Variants in OR2V1 observed in about 807,000 individuals in gnomAD.
OR2V1 encodes olfactory receptor family 2 subfamily V member 1.
OR2V1 carries 18 observed loss-of-function variants against 15.0 expected under a neutral mutation model. That is an observed-to-expected ratio of 1.20 (90% CI 0.83 to 1.78). The LOEUF (loss-of-function observed/expected upper bound fraction) is 1.78. Among genes scored for constraint, OR2V1 ranks in the 40% most tolerant of loss-of-function variants. OR2V1 has a pLI of 0.00. For synonymous variants in OR2V1, 144 were observed against 146.1 expected, an observed-to-expected ratio of 0.99 and a Z score of 0.10; for missense variants, 359 against 392.9, an observed-to-expected ratio of 0.91 and a Z score of 0.73.
rs190688542 is a variant in OR2V1 at position 181,124,074 on chromosome 5, A to G, written c.*283T>C. 47 of 334,470 alleles carry G rather than the reference A, an allele frequency of 1.4e-4. No individual in the cohort carries two copies. The Admixed American group carries it at 1.7e-3, about 12-fold the overall frequency. The allele number at this position is 334,470 out of a possible 1,614,324, so 20.7% of individuals were successfully genotyped here. ...AATTTAGTCCAAGGATGTCATAAAC[A>G]ATCAACAATGACAATAATAGCAGCC... On this transcript the variant is annotated 3_prime_UTR_variant, in exon 4 of 4. Transcript: ENST00000641551.
chr5:181,125,440 A>T, intron 3 of OR2V1, 115 bp from the exon 4 acceptor site: 2 of 745,802 alleles, frequency 2.7e-6, no homozygotes, highest in Non-Finnish European at 4.3e-6. Flanking sequence ...TATTCCTGTG[A>T]CACAGGTGAC....
chr5:181,127,144 C>T (rs773266635), intron 3 of OR2V1, among the ~76,000 whole-genome samples: 11 of 152,236 alleles, frequency 7.2e-5, no homozygotes, highest in East Asian at 1.9e-4. Flanking sequence ...GGACCGTCCC[C>T]GTCTGTGAGA....
intron 3 of OR2V1, among the ~76,000 whole-genome samples, chr5:181,127,821 T>TC (rs1355560366): frequency 6.7e-6 from 1 of 149,360 alleles, no homozygotes; most frequent in African/African-American, 2.5e-5. Flanking sequence ...TTCCCCCAGA[T>TC]CCCCCAGCAG....
intron 3 of OR2V1, among the ~76,000 whole-genome samples, chr5:181,127,446 G>A (rs1269065720): frequency 2.6e-5 from 4 of 152,188 alleles, no homozygotes; most frequent in African/African-American, 9.7e-5. Context: ...CCACACATGG[G>A]CGGCTGTTTA....
At chr5:181,128,986 G>A (rs1302649138) in intron 3 of OR2V1, among the ~76,000 whole-genome samples, 1 of 152,208 alleles carries the variant, frequency 6.6e-6, no homozygotes, top group Non-Finnish European at 1.5e-5. Flanking sequence ...CCAAAACTTT[G>A]AAAGGCTGAG....
chr5:181,128,488 C>G (rs1376505874), intron 3 of OR2V1, among the ~76,000 whole-genome samples: 1 of 152,214 alleles, frequency 6.6e-6, no homozygotes, highest in African/African-American at 2.4e-5. Context: ...ATCAGCAGCC[C>G]TCCACCACCA....
At chr5:181,130,375 G>A (rs1323545702) in intron 1 of OR2V1, 160 bp from the exon 2 acceptor site, 4 of 396,054 alleles carry the variant, frequency 1.0e-5, no homozygotes, top group African/African-American at 4.1e-5. Flanking sequence ...GCCTCCAGTG[G>A]CCCCTCAGGC....
chr5:181,123,162 C>A lies in OR2V1; in HGVS notation c.*1195G>T, dbSNP rs1762824777. ...ATATTACCTCACTTGATGCTCTCTT[C>A]TTGCATTCATTCAATAATGTTTTAT... is the stretch of plus-strand genomic sequence containing the variant. On this transcript the variant is annotated 3_prime_UTR_variant, in exon 4 of 4. Transcript: ENST00000641551. 6.6e-6 allele frequency: 1 copy of A among 152,212 alleles called. No homozygotes were observed. The highest frequency in any genetic ancestry group is 2.4e-5 in the African/African-American group (1 of 41,450). 9.4% of individuals were successfully genotyped at this position (152,212 alleles called of 1,614,324 possible). A position where few individuals can be genotyped will look rare whatever the true frequency, so the allele number is the denominator to read the frequency against.
Position 181,129,016 on chromosome 5 carries a change from TAGG to T in OR2V1, c.-22+501_-22+503del, listed in dbSNP as rs1270808021. ...GCTGAGGCAGAAGGATAGCTCGAGGTAGGAGTTTGAGACCAGCCTGGGCAACAT... is the reference window on the plus strand; with the variant it reads ...GCTGAGGCAGAAGGATAGCTCGAGGTAGTTTGAGACCAGCCTGGGCAACAT... On this transcript the variant is annotated intron_variant, in intron 3 of 3. Transcript: ENST00000641551. 5.3e-5 allele frequency among the ~76,000 whole-genome samples: 8 copies of T among 152,186 alleles called. 1 individual carries two copies. Among genetic ancestry groups the T allele is most frequent in the Non-Finnish European group, 7.4e-5 (5 of 67,998 alleles).
chr5:181,126,038 G>A (rs1186205861), intron 3 of OR2V1, among the ~76,000 whole-genome samples: 1 of 152,160 alleles, frequency 6.6e-6, no homozygotes, highest in Non-Finnish European at 1.5e-5. Flanking sequence ...ATGTTCTTTA[G>A]TCTTTACTTT....
intron 3 of OR2V1, among the ~76,000 whole-genome samples, chr5:181,128,721 CCTT>C (rs1762920062): frequency 1.3e-5 from 2 of 152,126 alleles, no homozygotes; most frequent in African/African-American, 2.4e-5. Flanking sequence ...GAGCTGAAAT[CCTT>C]CTTCTTCTGC....
At chr5:181,126,420 CCACACACACACACACACACACA>C (rs10532191) in intron 3 of OR2V1, among the ~76,000 whole-genome samples, 1 of 140,914 alleles carries the variant, frequency 7.1e-6, no homozygotes, top group African/African-American at 2.6e-5. Flanking sequence ...ACATCACACA[CCACACACACACACACACACACA>C]CACACACACA....
In OR2V1 at chr5:181,130,194, G is replaced by T; in HGVS notation, c.-99C>A. 2.5e-6 allele frequency: 1 copy of T among 398,746 alleles called. No individual in the cohort carries two copies. Among genetic ancestry groups the T allele is most frequent in the Non-Finnish European group, 4.4e-6 (1 of 226,138 alleles). 24.7% of individuals were successfully genotyped at this position (398,746 alleles called of 1,614,324 possible). A position where few individuals can be genotyped will look rare whatever the true frequency, so the allele number is the denominator to read the frequency against. ...TCACCTGTGGGTGGGTCCCTGCAGGGGAACAAACTCAGCAGAGTCACCTGT... is the reference window on the plus strand; with the variant it reads ...TCACCTGTGGGTGGGTCCCTGCAGGTGAACAAACTCAGCAGAGTCACCTGT... On this transcript the variant is annotated 5_prime_UTR_variant, in exon 2 of 4. Transcript: ENST00000641551.
chr5:181,130,652 C>A, intron 1 of OR2V1: 1 of 168,394 alleles, frequency 5.9e-6, no homozygotes, highest in Non-Finnish European at 1.3e-5. Context: ...AGACTCCAGC[C>A]CTGGAAGAGG....
In OR2V1 at chr5:181,124,623, G is replaced by A. The variant is rs772555600; in HGVS notation, c.682C>T (p.Arg228Ter). ...TTCCAGGCCTGAGCAGAGCGTATTC[G>A]GAGCACAGCCCCTAGGATGCAAGCA... is the stretch of plus-strand genomic sequence containing the variant. ...SYACILGAVL[R>*]IRSAQAWKKA... The change falls in exon 4 of 4, where the codon CGA becomes TGA. Residue 228 changes from arginine to a stop codon, truncating the protein, a stop_gained. Transcript: ENST00000641551. LOFTEE classifies it high-confidence loss of function. 36 of 1,613,702 alleles carry A rather than the reference G, an allele frequency of 2.2e-5. No individual in the cohort carries two copies. The highest frequency in any genetic ancestry group is 6.7e-5 in the Admixed American group (4 of 59,978).
At chr5:181,128,075 A>T (rs1762902751) in intron 3 of OR2V1, among the ~76,000 whole-genome samples, 1 of 151,900 alleles carries the variant, frequency 6.6e-6, no homozygotes, top group African/African-American at 2.4e-5. Context: ...GGCCAAACAG[A>T]CCACCTGCTC....
intron 2 of OR2V1, 70 bp downstream of exon 2, chr5:181,130,103 C>T (rs1762942330): frequency 1.3e-5 from 5 of 398,896 alleles, no homozygotes; most frequent in African/African-American, 2.1e-5. Context: ...TAAATGGGGA[C>T]GTGAACCAGC....
In OR2V1 at chr5:181,123,143, C is replaced by A. The variant is rs1762824609; in HGVS notation, c.*1214G>T. The stretch of plus-strand genomic sequence containing the variant: ...TTTTAAAATGCTTCCATTTATATTA[C>A]CTCACTTGATGCTCTCTTCTTGCAT... On this transcript the variant is annotated 3_prime_UTR_variant, in exon 4 of 4. Coordinates refer to ENST00000641551, the MANE Select transcript of OR2V1 (RefSeq NM_001258283.2). The A allele has an allele frequency of 6.6e-6, 1 of 152,210 alleles. No homozygotes were observed. The highest frequency in any genetic ancestry group is 1.5e-5 in the Non-Finnish European group (1 of 68,046). The allele number at this position is 152,210 out of a possible 1,614,324, so 9.4% of individuals were successfully genotyped here.
chr5:181,128,622 G>A (rs903978616), intron 3 of OR2V1, among the ~76,000 whole-genome samples: 2 of 152,150 alleles, frequency 1.3e-5, no homozygotes, highest in Non-Finnish European at 1.5e-5. Flanking sequence ...TCTCACCTCC[G>A]TGCAGAAGGC....
Sources: allele counts gnomAD v4.1 joint callset (sites outside exome capture counted in the v4.1 genomes callset), GRCh38; gene constraint gnomAD v4.1.1; transcripts MANE v1.5; gene names NCBI Gene and HGNC (gene_info 2026-07-23, HGNC 2026-07-21).